Variants in COMMD10 observed in about 807,000 individuals in gnomAD.
COMMD10 encodes COMM domain containing 10, also known as COMM domain-containing protein 10.
A neutral mutation model predicts 28.9 loss-of-function variants in COMMD10; 33 were observed. The ratio of observed to expected loss-of-function variants is 1.14; its 90% CI spans 0.87 to 1.53. The LOEUF (loss-of-function observed/expected upper bound fraction) is 1.53, where lower values mean the gene tolerates loss of function less well. Ranked by LOEUF, COMMD10 falls within the 40% of genes most tolerant of loss-of-function variation. The pLI is 0.00. For missense variants in COMMD10, 310 were observed against 233.4 expected, an observed-to-expected ratio of 1.33 and a Z score of -2.14; for synonymous variants, 110 against 81.7, an observed-to-expected ratio of 1.35 and a Z score of -1.87.
rs906796941 is a variant in COMMD10, at chr5:116,106,356, T to C, written c.399+13656T>C. On this transcript the variant is annotated intron_variant, in intron 4 of 6. Coordinates refer to ENST00000274458, the MANE Select transcript of COMMD10 (RefSeq NM_016144.4). Reference sequence around the variant, plus strand: ...CAGTGTGGTCCGACAGAGTGTTTATTAATGATTTCTGTTCTTTTGCATTTG... The same window carrying C: ...CAGTGTGGTCCGACAGAGTGTTTATCAATGATTTCTGTTCTTTTGCATTTG... 2.6e-5 allele frequency among the ~76,000 whole-genome samples: 4 copies of C among 152,206 alleles called. No homozygotes were observed. In the South Asian group the frequency reaches 8.3e-4, roughly 32 times the overall value.
At chr5:116,181,516 A>AT (rs1019512184) in intron 5 of COMMD10, among the ~76,000 whole-genome samples, 9 of 151,326 alleles carry the variant, frequency 5.9e-5, no homozygotes, top group Admixed American at 4.6e-4. Context: ...TGAGTCATAG[A>AT]TTTTTTTAAA....
intron 5 of COMMD10, among the ~76,000 whole-genome samples, chr5:116,201,055 C>T (rs1179025182): frequency 6.6e-6 from 1 of 152,092 alleles, no homozygotes; most frequent in African/African-American, 2.4e-5. Context: ...TATCCTTCTC[C>T]AGTTGGACAG....
At chr5:116,108,517 C>T (rs909572190) in intron 4 of COMMD10, among the ~76,000 whole-genome samples, 2 of 152,228 alleles carry the variant, frequency 1.3e-5, no homozygotes, top group African/African-American at 4.8e-5. Flanking sequence ...ACTCAAGCCT[C>T]AGCAATGGCG....
At chr5:116,156,151 C>G (rs1752700309) in intron 5 of COMMD10, among the ~76,000 whole-genome samples, 1 of 152,106 alleles carries the variant, frequency 6.6e-6, no homozygotes, top group African/African-American at 2.4e-5. Context: ...AGCTGTCCTA[C>G]TATCCAGTTC....
intron 5 of COMMD10, among the ~76,000 whole-genome samples, chr5:116,207,618 T>A (rs1281055196): frequency 6.6e-6 from 1 of 152,108 alleles, no homozygotes; most frequent in Non-Finnish European, 1.5e-5. Flanking sequence ...CTCCGCCTCC[T>A]GGGTTCAAGC....
intron 5 of COMMD10, among the ~76,000 whole-genome samples, chr5:116,168,795 C>CA (rs1379501721): frequency 6.6e-6 from 1 of 152,114 alleles, no homozygotes; most frequent in Non-Finnish European, 1.5e-5. Context: ...AACAAAGACA[C>CA]AATGTACCAG....
In COMMD10 at chr5:116,089,376, AAG is replaced by A. The variant is rs1750223834; in HGVS notation, c.133-1700_133-1699del. Among the ~76,000 whole-genome samples the A allele has an allele frequency of 2.0e-5, 3 of 152,232 alleles. No individual in the cohort carries two copies. In the South Asian group the frequency reaches 6.2e-4, roughly 32 times the overall value. ...TCCCTTATTACACGAAACCTCAGGAAAGAGTATGGAACATTTCATAAATTGGC... is the reference window on the plus strand; with the variant it reads ...TCCCTTATTACACGAAACCTCAGGAAAGTATGGAACATTTCATAAATTGGC... On this transcript the variant is annotated intron_variant, in intron 2 of 6. Transcript: ENST00000274458.
At chr5:116,174,532 G>C (rs1753438523) in intron 5 of COMMD10, among the ~76,000 whole-genome samples, 1 of 152,162 alleles carries the variant, frequency 6.6e-6, no homozygotes, top group Non-Finnish European at 1.5e-5. Context: ...TAATCAATTA[G>C]TAGAATAACC....
intron 5 of COMMD10, among the ~76,000 whole-genome samples, chr5:116,257,586 A>T (rs998516213): frequency 6.6e-6 from 1 of 151,654 alleles, no homozygotes; most frequent in East Asian, 1.9e-4. Flanking sequence ...GCTCATTTAG[A>T]CCCTTAGAAT....
At chr5:116,158,853 T>G (rs1336292773) in intron 5 of COMMD10, among the ~76,000 whole-genome samples, 5 of 149,810 alleles carry the variant, frequency 3.3e-5, no homozygotes, top group Admixed American at 3.3e-4. Context: ...AAACAGTTGT[T>G]TTTTTTTTTC....
At chr5:116,280,235 C>G (rs952775661) in intron 5 of COMMD10, among the ~76,000 whole-genome samples, 3 of 151,844 alleles carry the variant, frequency 2.0e-5, no homozygotes, top group African/African-American at 7.3e-5. Context: ...TTTCAACATT[C>G]TTGAATCATA....
intron 5 of COMMD10, among the ~76,000 whole-genome samples, chr5:116,269,854 G>A (rs1652574126): frequency 6.6e-6 from 1 of 151,692 alleles, no homozygotes; most frequent in African/African-American, 2.4e-5. Context: ...GAGGAATAAG[G>A]GATGAGGATG....
Position 116,092,630 on chromosome 5 carries a change from T to A in COMMD10, c.329T>A (p.Val110Asp). 6.2e-7 allele frequency: 1 copy of A among 1,612,522 alleles called. No individual in the cohort carries two copies. The highest frequency in any genetic ancestry group is 8.5e-7 in the Non-Finnish European group (1 of 1,179,152). Residue 110 changes from valine (V) to aspartate (D), a missense_variant, in exon 4 of 7, where the codon GTC becomes GAC. By Grantham distance (152) the Val-to-Asp change is radical. Transcript: ENST00000274458. ...AGACAAGACAAAGCTGAAGCATTTG[T>A]CAATACGTGGTCTTCTATGGGTCAA... is the stretch of plus-strand genomic sequence containing the variant. ...HLRQDKAEAFVNTWSSMGQET... is the reference protein window; with the variant it reads ...HLRQDKAEAFDNTWSSMGQET...
In COMMD10 at chr5:116,292,620, C is replaced by T. The variant is rs928770692; in HGVS notation, c.*131C>T. 3 of 603,116 alleles carry T rather than the reference C, an allele frequency of 5.0e-6. No homozygotes were observed. The highest frequency in any genetic ancestry group is 3.7e-5 in the African/African-American group (2 of 53,608). 37.4% of individuals were successfully genotyped at this position (603,116 alleles called of 1,614,324 possible). ...CTGTAAATTATATGGCTTATCACTT[C>T]TTAGACAAATAACAACCAATAGAGA... is the stretch of plus-strand genomic sequence containing the variant. On this transcript the variant is annotated 3_prime_UTR_variant, in exon 7 of 7. Transcript: ENST00000274458.
intron 5 of COMMD10, among the ~76,000 whole-genome samples, chr5:116,243,846 G>C (rs1749873465): frequency 1.3e-5 from 2 of 152,240 alleles, no homozygotes; most frequent in South Asian, 4.1e-4. Flanking sequence ...TTCTGGGCTT[G>C]AACCACATCA....
At chr5:116,277,746 A>G (rs973441275) in intron 5 of COMMD10, among the ~76,000 whole-genome samples, 2 of 152,052 alleles carry the variant, frequency 1.3e-5, no homozygotes, top group South Asian at 2.1e-4. Context: ...AGGTGCACAC[A>G]TTGGTTCTCT....
chr5:116,149,612 G>A (rs944980505), intron 5 of COMMD10, among the ~76,000 whole-genome samples: 7 of 151,198 alleles, frequency 4.6e-5, no homozygotes, highest in Non-Finnish European at 8.8e-5. Flanking sequence ...GCCAGTGATG[G>A]TGAGCATTTT....
At chr5:116,097,314 C>T (rs1156902408) in intron 4 of COMMD10, among the ~76,000 whole-genome samples, 1 of 152,054 alleles carries the variant, frequency 6.6e-6, no homozygotes, top group Non-Finnish European at 1.5e-5. Flanking sequence ...TGATAACAAG[C>T]ATTTATTGTG....
intron 4 of COMMD10, among the ~76,000 whole-genome samples, chr5:116,125,723 A>G (rs1195194949): frequency 6.6e-6 from 1 of 152,058 alleles, no homozygotes; most frequent in African/African-American, 2.4e-5. Context: ...ACATAGTCCC[A>G]TATTTTTTGA....
Sources: allele counts gnomAD v4.1 joint callset (sites outside exome capture counted in the v4.1 genomes callset), GRCh38; gene constraint gnomAD v4.1.1; transcripts MANE v1.5; gene names NCBI Gene and HGNC (gene_info 2026-07-23, HGNC 2026-07-21).